The following PXK variants were observed in gnomAD, a reference collection of about 807,000 sequenced individuals.
The protein encoded by PXK is PX domain containing serine/threonine kinase like.
In PXK, 35 loss-of-function variants were observed where a neutral mutation model predicts 84.7. The observed-to-expected ratio is 0.41, with a 90% CI of 0.32 to 0.55. The LOEUF (loss-of-function observed/expected upper bound fraction) is 0.55. Ranked by LOEUF, PXK falls within the 20% of genes least tolerant of loss-of-function variation. The pLI is 0.21. For missense variants in PXK, 634 were observed against 699.7 expected (o/e 0.91, Z 1.06); for synonymous variants, 253 against 260.8 (o/e 0.97, Z 0.29).
At chr3:58,423,738 CAAGGTCACAGGAGACGAGGCAA>C (rs1576919352) in intron 17 of PXK, among the ~76,000 whole-genome samples, 1 of 152,322 alleles carries the variant, frequency 6.6e-6, no homozygotes, top group East Asian at 1.9e-4. Flanking sequence ...CAGAGAGCTG[CAAGGTCACAGGAGACGAGGCAA>C]CTAACTGTGG....
intron 1 of PXK, among the ~76,000 whole-genome samples, chr3:58,335,020 T>G (rs1185823293): frequency 1.5e-4 from 3 of 20,150 alleles, no homozygotes. Flanking sequence ...TCCAGGCTGG[T>G]GTGTGTGTGT....
chr3:58,376,218 C>A (rs984486997), intron 3 of PXK, among the ~76,000 whole-genome samples: 1 of 151,924 alleles, frequency 6.6e-6, no homozygotes, highest in Non-Finnish European at 1.5e-5. Context: ...AGTTTGAGAC[C>A]AGCCTGGCCA....
At chr3:58,358,481 G>A (rs977996665) in intron 1 of PXK, among the ~76,000 whole-genome samples, 4 of 152,174 alleles carry the variant, frequency 2.6e-5, no homozygotes, top group Admixed American at 2.0e-4. Context: ...ATAGCAGTGG[G>A]CCACGGTCCA....
At chr3:58,372,485 G>T (rs912351102) in intron 3 of PXK, among the ~76,000 whole-genome samples, 1 of 151,892 alleles carries the variant, frequency 6.6e-6, no homozygotes, top group Non-Finnish European at 1.5e-5. Context: ...ACCACGCCCG[G>T]CTAATTTTTT....
intron 3 of PXK, among the ~76,000 whole-genome samples, chr3:58,374,162 AT>A (rs1487098779): frequency 2.9e-5 from 4 of 138,090 alleles, no homozygotes; most frequent in African/African-American, 1.1e-4. Context: ...CCTGCTTTCC[AT>A]TTTCTTTCTT....
chr3:58,390,067 A>G lies in PXK; in HGVS notation c.389-515A>G, dbSNP rs2098609605. ...ATGGCCCATGCTTGTAGTCCCAGCT[A>G]TTCGGGAGGCTGAGGTGGGAGGATC... On this transcript the variant is annotated intron_variant, in intron 4 of 17. Transcript: ENST00000356151. This position sits in a 1 kb window ranked among gnomAD's most constrained non-coding sequence, Gnocchi z 4.2. Among the ~76,000 whole-genome samples the G allele has an allele frequency of 6.7e-6, 1 of 150,046 alleles. No individual in the cohort carries two copies. Among genetic ancestry groups the G allele is most frequent in the Non-Finnish European group, 1.5e-5 (1 of 67,678 alleles).
Position 58,383,975 on chromosome 3 carries a change from A to G in PXK, c.388+1275A>G, listed in dbSNP as rs1488279789. On this transcript the variant is annotated intron_variant, in intron 4 of 17. Transcript: ENST00000356151. The surrounding 1 kb of genome is among the most constrained non-coding windows in gnomAD (Gnocchi z 4.0). ...TTTCAGAGAGGGGAAACAGATGTCT[A>G]CTTGGCAGGCACCAAGTTTTTCTCC... is the stretch of plus-strand genomic sequence containing the variant. Among the ~76,000 whole-genome samples, 2 of 152,202 alleles carry G rather than the reference A, an allele frequency of 1.3e-5. No homozygotes were observed. Among genetic ancestry groups the G allele is most frequent in the Admixed American group, 6.6e-5 (1 of 15,264 alleles).
intron 17 of PXK, among the ~76,000 whole-genome samples, chr3:58,420,075 G>C (rs1478668863): frequency 2.6e-5 from 4 of 152,136 alleles, no homozygotes; most frequent in Non-Finnish European, 2.9e-5. Context: ...GACTCTAGAA[G>C]ACTTGCTTGG....
At chr3:58,391,356 A>G in intron 6 of PXK, 136 bp downstream of exon 6, 1 of 729,592 alleles carries the variant, frequency 1.4e-6, no homozygotes, top group Non-Finnish European at 2.2e-6. Flanking sequence ...ATGTCAAAGA[A>G]AAGTCATTTT....
At chr3:58,362,538 C>A (rs2098205314) in intron 1 of PXK, among the ~76,000 whole-genome samples, 1 of 152,186 alleles carries the variant, frequency 6.6e-6, no homozygotes, top group South Asian at 2.1e-4. Context: ...GCTATCATTC[C>A]TCTATTGAAT....
In PXK at chr3:58,425,776, T is replaced by C. The variant is rs1408288374; in HGVS notation, c.*816T>C. 6.6e-6 allele frequency: 1 copy of C among 152,232 alleles called. No individual in the cohort carries two copies. Among genetic ancestry groups the C allele is most frequent in the Non-Finnish European group, 1.5e-5 (1 of 68,038 alleles). 9.4% of individuals were successfully genotyped at this position (152,232 alleles called of 1,614,324 possible). ...TGGCATCTATAGAAATCAATTATGA[T>C]TTTTGAAAGATTTATCTAAATATAT... On this transcript the variant is annotated 3_prime_UTR_variant, in exon 18 of 18. Transcript: ENST00000356151.
At position 58,425,376 on chromosome 3, in the gene PXK, T is replaced by A. The variant is rs1014241985; in HGVS notation, c.*416T>A. The stretch of plus-strand genomic sequence containing the variant: ...TAGAAACATTCCTCTTACAGTTCAT[T>A]TCTCTAAAGCATTTTCTGATTCTTA... On this transcript the variant is annotated 3_prime_UTR_variant, in exon 18 of 18. Coordinates refer to ENST00000356151, the MANE Select transcript of PXK (RefSeq NM_017771.5). 6.6e-5 allele frequency: 11 copies of A among 165,736 alleles called. No homozygotes were observed. Among genetic ancestry groups the A allele is most frequent in the African/African-American group, 2.6e-4 (11 of 41,640 alleles). 10.3% of individuals were successfully genotyped at this position (165,736 alleles called of 1,614,324 possible).
chr3:58,394,036 A>G lies in PXK; in HGVS notation c.616-962A>G, dbSNP rs141596460. On this transcript the variant is annotated intron_variant, in intron 7 of 17. Transcript: ENST00000356151. ...TTGACTTGTACAGTTTAAATGTGTG[A>G]ATAGTAATGGCATGTGAATTATATC... Among the ~76,000 whole-genome samples, 28 of 152,332 alleles carry G rather than the reference A, an allele frequency of 1.8e-4. No homozygotes were observed. In the East Asian group the frequency reaches 5.0e-3, roughly 27 times the overall value.
At chr3:58,361,295 C>CAA (rs149879171) in intron 1 of PXK, among the ~76,000 whole-genome samples, 910 of 64,458 alleles carry the variant, frequency 0.014, 32 homozygotes, top group African/African-American at 0.055. Flanking sequence ...GACTCTGTCT[C>CAA]AAAAAAAAAA....
intron 3 of PXK, among the ~76,000 whole-genome samples, chr3:58,376,876 G>A (rs1252292675): frequency 2.6e-5 from 4 of 152,074 alleles, no homozygotes; most frequent in Non-Finnish European, 5.9e-5. Flanking sequence ...CTGACCCCAG[G>A]TAGTCCACTT....
rs1276207129 is a variant in PXK, at chr3:58,382,621, CACA to C, written c.314_316del (p.Thr105del). 6.2e-7 allele frequency: 1 copy of C among 1,603,040 alleles called. No homozygotes were observed. Among genetic ancestry groups the C allele is most frequent in the Admixed American group, 1.7e-5 (1 of 57,264 alleles). The stretch of plus-strand genomic sequence containing the variant: ...GTCTTCAGAACTATCTCAACGTGAT[CACA>C]ACAAATCATATCTTGTCTAATTGTG... On this transcript the variant is annotated inframe_deletion, in exon 4 of 18. Transcript: ENST00000356151.
chr3:58,397,483 G>T lies in PXK; in HGVS notation c.985-122G>T, dbSNP rs1011777425. The T allele has an allele frequency of 5.5e-6, 5 of 906,922 alleles. No individual in the cohort carries two copies. The highest frequency in any genetic ancestry group is 1.8e-6 in the Non-Finnish European group (1 of 558,978). The allele number at this position is 906,922 out of a possible 1,614,324, so 56.2% of individuals were successfully genotyped here. On this transcript the variant is annotated intron_variant, in intron 10 of 17. Coordinates refer to ENST00000356151, the MANE Select transcript of PXK (RefSeq NM_017771.5). The surrounding 1 kb of genome is among the most constrained non-coding windows in gnomAD (Gnocchi z 4.7). The stretch of plus-strand genomic sequence containing the variant: ...CAGAAGGCTTTGGAGTTGCATTTAC[G>T]TTACCAATTAGGAACGGGGCTATCC...
chr3:58,374,184 T>G (rs1331464939), intron 3 of PXK, among the ~76,000 whole-genome samples: 1 of 147,656 alleles, frequency 6.8e-6, no homozygotes, highest in Non-Finnish European at 1.5e-5. Flanking sequence ...TTTTTTTTTT[T>G]GTTTTGAGAC....
At chr3:58,376,943 C>T (rs2098448432) in intron 3 of PXK, among the ~76,000 whole-genome samples, 1 of 152,108 alleles carries the variant, frequency 6.6e-6, no homozygotes, top group Admixed American at 6.5e-5. Flanking sequence ...CCCGGCCTAC[C>T]CTTGATTTAA....
Sources: gnomAD v4.1 joint callset for allele counts (sites outside exome capture counted in the v4.1 genomes callset) on GRCh38, gnomAD v4.1.1 for gene constraint, Gnocchi (gnomAD v3.1) non-coding constraint, MANE v1.5 for transcripts, NCBI Gene and HGNC (gene_info 2026-07-23, HGNC 2026-07-21) for gene names.